Variants in SLC35F4 observed in about 807,000 individuals in gnomAD.
The protein encoded by SLC35F4 is solute carrier family 35 member F4, also known as chromosome 14 open reading frame 36.
A neutral mutation model predicts 44.2 loss-of-function variants in SLC35F4; 24 were observed. The ratio of observed to expected loss-of-function variants is 0.54; its 90% CI spans 0.39 to 0.76. SLC35F4 has a LOEUF of 0.76. Ranked by LOEUF, SLC35F4 falls within the 30% of genes least tolerant of loss-of-function variation. The pLI, the probability that SLC35F4 is intolerant of heterozygous loss-of-function variation, is 0.00. For synonymous variants in SLC35F4, 238 were observed against 223.6 expected, an observed-to-expected ratio of 1.06 and a Z score of -0.57; for missense variants, 562 against 586.1, an observed-to-expected ratio of 0.96 and a Z score of 0.42.
chr14:57,726,626 C>T (rs1221001671), intron 1 of SLC35F4, among the ~76,000 whole-genome samples: 1 of 152,046 alleles, frequency 6.6e-6, no homozygotes, highest in Non-Finnish European at 1.5e-5. Flanking sequence ...CAAAGGATAG[C>T]TATATTATTT....
chr14:57,723,516 G>A (rs529273630), intron 1 of SLC35F4, among the ~76,000 whole-genome samples: 91 of 152,320 alleles, frequency 6.0e-4, no homozygotes, highest in East Asian at 5.8e-3. Flanking sequence ...GTGGGTTATC[G>A]TAGGCTTAAC....
intron 1 of SLC35F4, among the ~76,000 whole-genome samples, chr14:57,780,257 T>C (rs1302965180): frequency 2.0e-5 from 3 of 152,122 alleles, no homozygotes; most frequent in Non-Finnish European, 4.4e-5. Flanking sequence ...AAAATCAATG[T>C]ACAAAAATCA....
At chr14:57,729,798 G>A (rs1182670611) in intron 1 of SLC35F4, among the ~76,000 whole-genome samples, 2 of 152,142 alleles carry the variant, frequency 1.3e-5, no homozygotes, top group African/African-American at 2.4e-5. Flanking sequence ...TCAGTCCTGT[G>A]TCCTAGACAG....
chr14:57,874,725 T>C (rs997285370), intron 1 of SLC35F4, among the ~76,000 whole-genome samples: 3 of 152,158 alleles, frequency 2.0e-5, no homozygotes, highest in Non-Finnish European at 2.9e-5. Context: ...CATGTTGCCA[T>C]CCCTCCCCAC....
intron 1 of SLC35F4, among the ~76,000 whole-genome samples, chr14:57,910,991 T>C (rs1326475493): frequency 6.6e-6 from 1 of 152,054 alleles, no homozygotes; most frequent in African/African-American, 2.4e-5. Flanking sequence ...CTTGTATCTA[T>C]TTACTAGACT....
intron 1 of SLC35F4, among the ~76,000 whole-genome samples, chr14:57,863,969 A>G (rs1392380619): frequency 1.3e-5 from 2 of 152,208 alleles, no homozygotes; most frequent in Non-Finnish European, 1.5e-5. Context: ...TTGTGTTGCA[A>G]ATGAAGCATG....
At chr14:57,621,354 C>T (rs1410234311) in intron 1 of SLC35F4, among the ~76,000 whole-genome samples, 2 of 151,648 alleles carry the variant, frequency 1.3e-5, no homozygotes, top group East Asian at 3.9e-4. Flanking sequence ...GAGCCTGCAT[C>T]GCCAAGTCAA....
At chr14:57,701,428 T>C (rs1227906760) in intron 1 of SLC35F4, among the ~76,000 whole-genome samples, 2 of 152,212 alleles carry the variant, frequency 1.3e-5, no homozygotes, top group African/African-American at 4.8e-5. Flanking sequence ...ATAAAAAGTA[T>C]AGTTATAGTA....
At chr14:57,780,898 C>T (rs2077603288) in intron 1 of SLC35F4, among the ~76,000 whole-genome samples, 2 of 151,850 alleles carry the variant, frequency 1.3e-5, no homozygotes, top group African/African-American at 2.4e-5. Context: ...CTTCCTTATG[C>T]CATATACAAA....
At position 57,865,751 on chromosome 14, in the gene SLC35F4, G is replaced by C. The variant is rs1371493426; in HGVS notation, c.75C>G (p.Gly25=). ...TCTGGCTGGAGTAACCTGGATAATA[G>C]CCATAGTAGCCGGTGATCCGCAGGA... ...DRILRITGYY[G]YYPGYSSQKS... is the part of the protein sequence containing the mutation. Residue 25 remains glycine (G), a synonymous_variant, in exon 1 of 8, where the codon GGC becomes GGG. Coordinates refer to ENST00000556826, the MANE Select transcript of SLC35F4 (RefSeq NM_001306087.2). The C allele has an allele frequency of 1.3e-6, 2 of 1,523,914 alleles. No homozygotes were observed. The highest frequency in any genetic ancestry group is 1.8e-6 in the Non-Finnish European group (2 of 1,141,992). 94.4% of individuals were successfully genotyped at this position (1,523,914 alleles called of 1,614,324 possible).
intron 1 of SLC35F4, among the ~76,000 whole-genome samples, chr14:57,842,574 T>C (rs779958119): frequency 6.6e-6 from 1 of 152,072 alleles, no homozygotes; most frequent in Non-Finnish European, 1.5e-5. Flanking sequence ...ACTGCAGACA[T>C]CCACTGCTTA....
At chr14:57,574,395 G>A (rs985413456) in intron 4 of SLC35F4, among the ~76,000 whole-genome samples, 7 of 152,106 alleles carry the variant, frequency 4.6e-5, no homozygotes, top group Non-Finnish European at 7.4e-5. Context: ...TCTTTCAATT[G>A]CCTTCACAGA....
At chr14:57,972,524 C>G (rs182353509), downstream of SLC35F4, among the ~76,000 whole-genome samples, 512 of 151,024 alleles carry the variant, frequency 3.4e-3, 3 homozygotes, top group African/African-American at 0.012. Flanking sequence ...AGAACTATAT[C>G]AAAATATCAT....
At chr14:57,582,213 T>TC (rs2069330640) in intron 3 of SLC35F4, among the ~76,000 whole-genome samples, 2 of 148,166 alleles carry the variant, frequency 1.3e-5, no homozygotes, top group South Asian at 2.2e-4. Flanking sequence ...ATTTTTTTTT[T>TC]CCCCCTAGGT....
At chr14:57,609,147 T>C (rs1703442) in intron 1 of SLC35F4, among the ~76,000 whole-genome samples, 107,893 of 152,044 alleles carry the variant, frequency 0.71, 39,049 homozygotes, top group Middle Eastern at 0.8. Flanking sequence ...TGTATGCAGA[T>C]GGATGCATGG....
At position 57,581,268 on chromosome 14, in the gene SLC35F4, G is replaced by T; in HGVS notation, c.753C>A (p.Ala251=). The stretch of plus-strand genomic sequence containing the variant: ...CAATCCATGACAGCAAGAAGACAAA[G>T]GCTTTGTTACAACAGAACAGAGCGG... The part of the protein sequence containing the change: ...DVSALFCCNK[A]FVFLLSWIVL... Residue 251 remains alanine, a synonymous_variant, in exon 4 of 8, where the codon GCC becomes GCA. Transcript: ENST00000556826. 6.2e-7 allele frequency: 1 copy of T among 1,609,770 alleles called. No individual in the cohort carries two copies. The highest frequency in any genetic ancestry group is 8.5e-7 in the Non-Finnish European group (1 of 1,178,428).
At position 57,564,272 on chromosome 14, in the gene SLC35F4, C is replaced by G; in HGVS notation, c.1321G>C (p.Asp441His). 1.2e-6 allele frequency: 2 copies of G among 1,613,068 alleles called. No individual in the cohort carries two copies. Residue 441 changes from aspartate (D) to histidine (H), a missense_variant, in exon 8 of 8, where the codon GAT (aspartate) becomes CAT (histidine). Transcript: ENST00000556826. ...FLLMLLPEEW[D>H]EITLRFINSL... ...TTGATGAACCTCAGGGTGATTTCATCCCATTCCTCAGGCAACAGCATCAGC... is the reference window on the plus strand; with the variant it reads ...TTGATGAACCTCAGGGTGATTTCATGCCATTCCTCAGGCAACAGCATCAGC...
chr14:57,847,505 G>C (rs1244731259), intron 1 of SLC35F4, among the ~76,000 whole-genome samples: 1 of 152,102 alleles, frequency 6.6e-6, no homozygotes, highest in African/African-American at 2.4e-5. Context: ...ATTTTCTTCA[G>C]ATTAAGTTAT....
At chr14:57,658,445 A>G (rs935281249) in intron 1 of SLC35F4, among the ~76,000 whole-genome samples, 7 of 152,212 alleles carry the variant, frequency 4.6e-5, no homozygotes, top group Non-Finnish European at 7.3e-5. Flanking sequence ...CAGGTCTACA[A>G]TAAATTTCTT....
Sources: gnomAD v4.1 joint callset for allele counts (sites outside exome capture counted in the v4.1 genomes callset) on GRCh38, gnomAD v4.1.1 for gene constraint, MANE v1.5 for transcripts, NCBI Gene and HGNC (gene_info 2026-07-23, HGNC 2026-07-21) for gene names.